The following LAD1 variants were observed in gnomAD, a reference collection of about 807,000 sequenced individuals.
LAD1 encodes ladinin 1, also known as ladinin-1.
In LAD1, 53 loss-of-function variants were observed where a neutral mutation model predicts 54.2. The observed-to-expected ratio is 0.98, with a 90% CI of 0.78 to 1.23. LAD1 has a LOEUF of 1.23. LAD1 is among the 50% of genes most tolerant of loss of function. The pLI is 0.00. For synonymous variants in LAD1, 231 were observed against 257.7 expected, an observed-to-expected ratio of 0.90 and a Z score of 0.99; for missense variants, 637 against 653.3, an observed-to-expected ratio of 0.98 and a Z score of 0.27.
intron 1 of LAD1, among the ~76,000 whole-genome samples, chr1:201,393,826 A>G (rs545431105): frequency 7.4e-5 from 11 of 149,086 alleles, no homozygotes; most frequent in Non-Finnish European, 1.2e-4. Flanking sequence ...TATAATTTAC[A>G]TTAATGTACA....
chr1:201,399,021 C>T (rs1343794702), intron 1 of LAD1, among the ~76,000 whole-genome samples: 4 of 152,252 alleles, frequency 2.6e-5, no homozygotes, highest in Non-Finnish European at 5.9e-5. Context: ...AGCGGGCGTC[C>T]AGACTGAGGA....
At chr1:201,397,507 C>T (rs1211107435) in intron 1 of LAD1, among the ~76,000 whole-genome samples, 1 of 152,144 alleles carries the variant, frequency 6.6e-6, no homozygotes, top group East Asian at 1.9e-4. Context: ...TTAGGCCAGA[C>T]CTTGCTCCCA....
chr1:201,383,159 G>A lies in LAD1; in HGVS notation c.1301C>T (p.Ala434Val). 2.5e-6 allele frequency: 4 copies of A among 1,614,014 alleles called. No individual in the cohort carries two copies. Among genetic ancestry groups the A allele is most frequent in the Non-Finnish European group, 3.4e-6 (4 of 1,179,986 alleles). The change falls in exon 7 of 10, where the codon GCT (alanine) becomes GTT (valine). Residue 434 changes from alanine to valine, a missense_variant. Transcript: ENST00000391967. ...GCGCTTGCTGGCTACACCCACAGGA[G>A]CCACGAATAACTCAGTGCAAGGCAG... ...RGLPCTELFV[A>V]PVGVASKRHL...
chr1:201,390,161 C>T (rs1446887557), intron 1 of LAD1, among the ~76,000 whole-genome samples: 3 of 151,978 alleles, frequency 2.0e-5, no homozygotes, highest in African/African-American at 7.2e-5. Flanking sequence ...TCAAGCAATC[C>T]TCCCACCTTG....
rs1422493204 is a variant in LAD1 at position 201,387,308 on chromosome 1, C to T, written c.183-130G>A. The T allele has an allele frequency of 3.4e-6, 3 of 892,882 alleles. No individual in the cohort carries two copies. The African/African-American group carries it at 5.0e-5, about 15-fold the overall frequency. 55.3% of individuals were successfully genotyped at this position (892,882 alleles called of 1,614,324 possible). On this transcript the variant is annotated intron_variant, in intron 2 of 9. Coordinates refer to ENST00000391967, the MANE Select transcript of LAD1 (RefSeq NM_005558.4). Reference sequence around the variant, plus strand: ...GGATGTCAGGCCCTGGCCTCCCCGGCTCACCACCACCTTTATCCACTCGAT... The same window carrying T: ...GGATGTCAGGCCCTGGCCTCCCCGGTTCACCACCACCTTTATCCACTCGAT...
At chr1:201,382,787 C>T (rs1661989527) in intron 7 of LAD1, 48 bp from the exon 8 acceptor site, 7 of 1,435,214 alleles carry the variant, frequency 4.9e-6, no homozygotes, top group Non-Finnish European at 5.8e-6. Flanking sequence ...TTGGCAGCAG[C>T]GAGGCATGTT....
rs199579589 is a variant in LAD1, at chr1:201,386,508, T to C, written c.853A>G (p.Thr285Ala). The C allele has an allele frequency of 3.0e-3, 4,822 of 1,590,760 alleles. 15 individuals carry two copies. The highest frequency in any genetic ancestry group is 6.8e-3 in the Middle Eastern group (40 of 5,914). Residue 285 changes from threonine to alanine, a missense_variant, in exon 3 of 10, where the codon ACA (threonine) becomes GCA (alanine). Transcript: ENST00000391967. The part of the protein sequence containing the change: ...ADAKPAPKRA[T>A]ASEQPLAQEP... ...TGCGCCAGGGGCTGCTCTGAGGCTG[T>C]GGCCCTCTTTGGGGCCGGCTTAGCA...
chr1:201,391,142 C>G (rs772953365), intron 1 of LAD1: 40 of 456,564 alleles, frequency 8.8e-5, no homozygotes, highest in Non-Finnish European at 1.3e-4. Context: ...CCTCCCTCAC[C>G]TTTCAGATGG....
At chr1:201,393,508 G>C (rs1330595513) in intron 1 of LAD1, among the ~76,000 whole-genome samples, 1 of 152,138 alleles carries the variant, frequency 6.6e-6, no homozygotes, top group South Asian at 2.1e-4. Flanking sequence ...CACTTTGAGA[G>C]GCTGAGGCAG....
intron 1 of LAD1, 94 bp downstream of exon 1, chr1:201,399,175 G>T (rs1259306358): frequency 1.9e-6 from 2 of 1,033,016 alleles, no homozygotes; most frequent in Non-Finnish European, 2.9e-6. Flanking sequence ...CAGTGTCAGG[G>T]TCCCAGGCGG....
intron 1 of LAD1, among the ~76,000 whole-genome samples, chr1:201,394,424 C>G (rs570649809): frequency 3.3e-5 from 5 of 152,328 alleles, no homozygotes; most frequent in African/African-American, 1.2e-4. Context: ...GAACCTCAAT[C>G]CCTCCTGTCA....
intron 4 of LAD1, 68 bp from the exon 5 acceptor site, chr1:201,384,903 G>A (rs1571719692): frequency 6.7e-7 from 1 of 1,493,500 alleles, no homozygotes. Context: ...CTCGAGTGAG[G>A]AGCCCAGCTC....
In LAD1 at chr1:201,387,059, A is replaced by C. The variant is rs751033233; in HGVS notation, c.302T>G (p.Val101Gly). 1.7e-5 allele frequency: 27 copies of C among 1,611,562 alleles called. No homozygotes were observed. The highest frequency in any genetic ancestry group is 2.3e-5 in the Non-Finnish European group (27 of 1,179,096). The change falls in exon 3 of 10, where the codon GTG becomes GGG. Residue 101 changes from valine (V) to glycine (G), a missense_variant. Transcript: ENST00000391967. ...GATGGGGGCCTGTGCAGCCTCCACC[A>C]CCTGCCGCCTCTGCCTCCGCTCCTG... is the stretch of plus-strand genomic sequence containing the variant. ...TRQERRQRRQ[V>G]VEAAQAPIQE...
chr1:201,391,013 C>T (rs1257639488), intron 1 of LAD1: 5 of 438,088 alleles, frequency 1.1e-5, no homozygotes, highest in African/African-American at 8.2e-5. Context: ...GATATTTCCT[C>T]ACTCAATTCC....
In LAD1 at chr1:201,383,454, AG is replaced by A. The variant is rs1662009873; in HGVS notation, c.1176-66del. 1.3e-5 allele frequency: 18 copies of A among 1,434,978 alleles called. No homozygotes were observed. In the South Asian group the frequency reaches 1.9e-4, roughly 16 times the overall value. The allele number at this position is 1,434,978 out of a possible 1,614,324, so 88.9% of individuals were successfully genotyped here. A position where few individuals can be genotyped will look rare whatever the true frequency, so the allele number is the denominator to read the frequency against. On this transcript the variant is annotated intron_variant, in intron 5 of 9. Transcript: ENST00000391967. ...ACCCAGGGAGACCAGGCCTGCCCCC[AG>A]GGCCTGAGGAGCAGCCCCATCACAC...
chr1:201,394,044 T>C (rs1363468249), intron 1 of LAD1, among the ~76,000 whole-genome samples: 2 of 152,074 alleles, frequency 1.3e-5, no homozygotes, highest in Admixed American at 1.3e-4. Context: ...GACCCCCATC[T>C]CTATATAAGT....
At chr1:201,382,544 CTCCTCCTCTCCCGAAATGA>C in intron 8 of LAD1, 90 bp downstream of exon 8, 1 of 941,662 alleles carries the variant, frequency 1.1e-6, no homozygotes, top group African/African-American at 1.6e-5. Flanking sequence ...CCCGAAATGA[CTCCTCCTCTCCCGAAATGA>C]CTCCTCCTCT....
chr1:201,393,637 T>C (rs890325018), intron 1 of LAD1, among the ~76,000 whole-genome samples: 17 of 151,650 alleles, frequency 1.1e-4, no homozygotes, highest in Non-Finnish European at 2.5e-4. Flanking sequence ...TCCCAGCCAC[T>C]TGGGAGGCTG....
Position 201,384,878 on chromosome 1 carries a change from G to A in LAD1, c.1132-43C>T, listed in dbSNP as rs767450924. 12 of 1,603,602 alleles carry A rather than the reference G, an allele frequency of 7.5e-6. No individual in the cohort carries two copies. The South Asian group carries it at 9.9e-5, about 13-fold the overall frequency. On this transcript the variant is annotated intron_variant, in intron 4 of 9. Transcript: ENST00000391967. ...GGCATTGTTGTGTGGGAGTCCCCGG[G>A]AAATCGGTGGCCCCCTCGAGTGAGG...
Sources: allele counts gnomAD v4.1 joint callset (sites outside exome capture counted in the v4.1 genomes callset), GRCh38; gene constraint gnomAD v4.1.1; transcripts MANE v1.5; gene names NCBI Gene and HGNC (gene_info 2026-07-23, HGNC 2026-07-21).